Variants in PTPRD observed in about 807,000 individuals in gnomAD.
PTPRD encodes the protein protein tyrosine phosphatase receptor type D.
A neutral mutation model predicts 214.5 loss-of-function variants in PTPRD; 34 were observed. The ratio of observed to expected loss-of-function variants is 0.16; its 90% CI spans 0.12 to 0.21. The LOEUF (loss-of-function observed/expected upper bound fraction) is 0.21. Among genes scored for constraint, PTPRD ranks in the 10% least tolerant of loss-of-function variants. The pLI, the probability that PTPRD is intolerant of heterozygous loss-of-function variation, is 1.00. For synonymous variants in PTPRD, 1,128 were observed against 845.7 expected (o/e 1.33, Z -5.79); for missense variants, 2,545 against 2,398.7 (o/e 1.06, Z -1.27).
At chr9:8,405,241 AAAG>A (rs1170975075) in intron 35 of PTPRD, among the ~76,000 whole-genome samples, 3 of 152,200 alleles carry the variant, frequency 2.0e-5, no homozygotes, top group Non-Finnish European at 4.4e-5. Flanking sequence ...CACGAACAGT[AAAG>A]AAGGGAGGTC....
At chr9:10,299,733 T>C (rs997260616) in intron 3 of PTPRD, among the ~76,000 whole-genome samples, 2 of 152,130 alleles carry the variant, frequency 1.3e-5, no homozygotes, top group African/African-American at 4.8e-5. Flanking sequence ...TGGAAGCAGA[T>C]ACATTTAGAA....
chr9:9,414,098 TC>T (rs1344197297), intron 8 of PTPRD, among the ~76,000 whole-genome samples: 1 of 152,266 alleles, frequency 6.6e-6, no homozygotes, highest in Non-Finnish European at 1.5e-5. Flanking sequence ...TCAAACTCTC[TC>T]CTGACATCTT....
intron 2 of PTPRD, among the ~76,000 whole-genome samples, chr9:10,518,204 A>T (rs2050773533): frequency 6.6e-6 from 1 of 152,190 alleles, no homozygotes; most frequent in South Asian, 2.1e-4. Flanking sequence ...AAAATTAAGG[A>T]TAATAATTTT....
chr9:9,712,168 T>G (rs1376886547), intron 7 of PTPRD, among the ~76,000 whole-genome samples: 1 of 152,160 alleles, frequency 6.6e-6, no homozygotes, highest in Non-Finnish European at 1.5e-5. Flanking sequence ...TCCATTAAAT[T>G]TTTTTTGTCT....
chr9:10,264,814 T>G (rs1339714996), intron 3 of PTPRD, among the ~76,000 whole-genome samples: 1 of 152,150 alleles, frequency 6.6e-6, no homozygotes, highest in Non-Finnish European at 1.5e-5. Flanking sequence ...AAGTCTCATC[T>G]TGAATTATAG....
intron 8 of PTPRD, among the ~76,000 whole-genome samples, chr9:9,511,563 T>A (rs940113841): frequency 6.6e-6 from 1 of 151,836 alleles, no homozygotes; most frequent in Non-Finnish European, 1.5e-5. Flanking sequence ...TTTATGAAAA[T>A]TTACAAGTGT....
chr9:10,354,454 T>A (rs1253454775), intron 2 of PTPRD, among the ~76,000 whole-genome samples: 1 of 152,170 alleles, frequency 6.6e-6, no homozygotes, highest in African/African-American at 2.4e-5. Flanking sequence ...ATCACTTTTA[T>A]GAATGAAGCC....
chr9:9,567,014 C>T (rs185735081), intron 8 of PTPRD, among the ~76,000 whole-genome samples: 1 of 151,836 alleles, frequency 6.6e-6, no homozygotes, highest in African/African-American at 2.4e-5. Context: ...AGTCCATTGC[C>T]GAGAGAGGTC....
intron 8 of PTPRD, among the ~76,000 whole-genome samples, chr9:9,562,334 T>A (rs544719606): frequency 9.2e-5 from 14 of 152,314 alleles, no homozygotes; most frequent in Admixed American, 7.8e-4. Flanking sequence ...TCTGCCACTA[T>A]TCTGGATGAA....
At chr9:10,427,986 A>C (rs2098639762) in intron 2 of PTPRD, among the ~76,000 whole-genome samples, 1 of 152,098 alleles carries the variant, frequency 6.6e-6, no homozygotes, top group African/African-American at 2.4e-5. Flanking sequence ...ATATTTGTTA[A>C]GTAATAAGTT....
At chr9:8,519,959 C>G (rs1330530118) in intron 20 of PTPRD, among the ~76,000 whole-genome samples, 1 of 152,112 alleles carries the variant, frequency 6.6e-6, no homozygotes, top group Non-Finnish European at 1.5e-5. Flanking sequence ...AATATTTACA[C>G]ACTACTCAAA....
chr9:10,224,854 A>G (rs2099583649), intron 3 of PTPRD, among the ~76,000 whole-genome samples: 1 of 152,040 alleles, frequency 6.6e-6, no homozygotes, highest in Non-Finnish European at 1.5e-5. Context: ...TACATTTTCT[A>G]TTCCTTATGA....
intron 7 of PTPRD, among the ~76,000 whole-genome samples, chr9:9,671,911 C>G (rs541054588): frequency 6.6e-6 from 1 of 152,214 alleles, no homozygotes; most frequent in Non-Finnish European, 1.5e-5. Context: ...ACAAACATTC[C>G]TGTATAAACA....
At chr9:8,600,784 T>G (rs1251325805) in intron 14 of PTPRD, among the ~76,000 whole-genome samples, 1 of 151,948 alleles carries the variant, frequency 6.6e-6, no homozygotes, top group African/African-American at 2.4e-5. Flanking sequence ...CCACAGGCCT[T>G]GGGTAAGTCT....
At chr9:10,027,228 TTTC>T (rs1356030563) in intron 4 of PTPRD, among the ~76,000 whole-genome samples, 1 of 152,184 alleles carries the variant, frequency 6.6e-6, no homozygotes, top group Admixed American at 6.5e-5. Flanking sequence ...GTAACCAAAA[TTTC>T]TTCTTCCAGT....
At chr9:10,313,033 A>G (rs534673572) in intron 3 of PTPRD, among the ~76,000 whole-genome samples, 5 of 152,074 alleles carry the variant, frequency 3.3e-5, no homozygotes, top group Admixed American at 6.6e-5. Context: ...TTGATTATCA[A>G]TAATGATTGG....
At chr9:10,232,616 T>C (rs949992242) in intron 3 of PTPRD, among the ~76,000 whole-genome samples, 3 of 151,996 alleles carry the variant, frequency 2.0e-5, no homozygotes, top group Non-Finnish European at 4.4e-5. Context: ...GTAATTACCT[T>C]AAGAATTAGG....
intron 10 of PTPRD, among the ~76,000 whole-genome samples, chr9:9,021,123 T>A (rs1230519779): frequency 2.0e-5 from 3 of 152,160 alleles, no homozygotes; most frequent in Non-Finnish European, 4.4e-5. Flanking sequence ...TTAAATCACT[T>A]CATCTAAAGT....
intron 10 of PTPRD, among the ~76,000 whole-genome samples, chr9:9,085,900 TAC>T (rs1321139952): frequency 6.6e-6 from 1 of 152,200 alleles, no homozygotes; most frequent in Non-Finnish European, 1.5e-5. Context: ...GATTATCAGT[TAC>T]TTGTGTCCAA....
Sources: allele counts gnomAD v4.1 joint callset (sites outside exome capture counted in the v4.1 genomes callset), GRCh38; gene constraint gnomAD v4.1.1; transcripts MANE v1.5; gene names NCBI Gene and HGNC (gene_info 2026-07-23, HGNC 2026-07-21).